The following SLC25A13 variants were observed in gnomAD, a reference collection of about 807,000 sequenced individuals.
The protein encoded by SLC25A13 is electrogenic aspartate/glutamate antiporter SLC25A13, mitochondrial.
A neutral mutation model predicts 85.5 loss-of-function variants in SLC25A13; 70 were observed. That is an observed-to-expected ratio of 0.82 (90% CI 0.68 to 1.00). SLC25A13 has a LOEUF of 1.00. Ranked by LOEUF, SLC25A13 falls within the 50% of genes least tolerant of loss-of-function variation. The pLI, the probability that SLC25A13 is intolerant of heterozygous loss-of-function variation, is 0.00. For missense variants in SLC25A13, 765 were observed against 819.8 expected, an observed-to-expected ratio of 0.93 and a Z score of 0.82; for synonymous variants, 259 against 288.7, an observed-to-expected ratio of 0.90 and a Z score of 1.04.
Position 96,277,288 on chromosome 7 carries a change from A to T in SLC25A13, c.120T>A (p.Phe40Leu). The T allele has an allele frequency of 6.2e-7, 1 of 1,613,072 alleles. No individual in the cohort carries two copies. The highest frequency in any genetic ancestry group is 8.5e-7 in the Non-Finnish European group (1 of 1,179,514). Reference sequence around the variant, plus strand: ...CAAAAATGTTCAAGTATCGAGTGACAAAGTCATTGGGGGACATGAAAAATT... The same window carrying T: ...CAAAAATGTTCAAGTATCGAGTGACTAAGTCATTGGGGGACATGAAAAATT... ...NGEFFMSPND[F>L]VTRYLNIFGE... The change falls in exon 3 of 18, where the codon TTT becomes TTA. Residue 40 changes from phenylalanine (F) to leucine (L), a missense_variant. By Grantham distance (22) the Phe-to-Leu change is conservative (BLOSUM62 0). Transcript: ENST00000265631.
At chr7:96,221,155 T>G (rs1264103647) in intron 4 of SLC25A13, among the ~76,000 whole-genome samples, 1 of 152,216 alleles carries the variant, frequency 6.6e-6, no homozygotes, top group Non-Finnish European at 1.5e-5. Context: ...CGTATTTAGC[T>G]TTTCGTAAAT....
At chr7:96,239,034 A>ATT (rs1400628776) in intron 3 of SLC25A13, among the ~76,000 whole-genome samples, 21 of 88,454 alleles carry the variant, frequency 2.4e-4, no homozygotes, top group African/African-American at 7.9e-4. Flanking sequence ...ATGACTATAT[A>ATT]TTTTATATAT....
At chr7:96,128,939 GCT>G (rs58984088) in intron 15 of SLC25A13, among the ~76,000 whole-genome samples, 12,085 of 81,620 alleles carry the variant, frequency 0.15, 715 homozygotes, top group East Asian at 0.25. Flanking sequence ...TGCCTTGCTT[GCT>G]CTCTCTCTCT....
intron 13 of SLC25A13, among the ~76,000 whole-genome samples, chr7:96,166,354 A>G (rs1178219579): frequency 6.6e-6 from 1 of 152,232 alleles, no homozygotes; most frequent in Non-Finnish European, 1.5e-5. Flanking sequence ...CTCTTGTTAT[A>G]TAAACAGTTT....
chr7:96,247,109 T>C (rs1289127910), intron 3 of SLC25A13, among the ~76,000 whole-genome samples: 1 of 152,204 alleles, frequency 6.6e-6, no homozygotes, highest in Non-Finnish European at 1.5e-5. Flanking sequence ...GATGCTGAAA[T>C]AATGTGTACT....
chr7:96,171,241 T>C (rs1481254151), intron 12 of SLC25A13, among the ~76,000 whole-genome samples: 1 of 152,254 alleles, frequency 6.6e-6, no homozygotes, highest in Non-Finnish European at 1.5e-5. Flanking sequence ...ACTGCTGTGA[T>C]GACAACAATG....
intron 5 of SLC25A13, among the ~76,000 whole-genome samples, chr7:96,207,068 C>T (rs921418667): frequency 1.3e-5 from 2 of 152,104 alleles, no homozygotes; most frequent in Non-Finnish European, 2.9e-5. Flanking sequence ...AGCAAAAATC[C>T]GGCAACTCAC....
chr7:96,311,226 C>G (rs1484112522), intron 1 of SLC25A13, among the ~76,000 whole-genome samples: 1 of 152,120 alleles, frequency 6.6e-6, no homozygotes, highest in Non-Finnish European at 1.5e-5. Flanking sequence ...CTTAAGATAA[C>G]AACATCTGAA....
chr7:96,274,120 C>T (rs1304700481), intron 3 of SLC25A13, among the ~76,000 whole-genome samples: 1 of 152,010 alleles, frequency 6.6e-6, no homozygotes, highest in African/African-American at 2.4e-5. Flanking sequence ...CTCCAGAATA[C>T]TGCAACAAGT....
chr7:96,151,373 G>A (rs951471310), intron 13 of SLC25A13, among the ~76,000 whole-genome samples: 1 of 152,092 alleles, frequency 6.6e-6, no homozygotes, highest in African/African-American at 2.4e-5. Context: ...CAAGGCAGGT[G>A]GATCACCTGA....
chr7:96,180,910 ATTTCAAATACCTGAGCACAT>A (rs1794395915), intron 11 of SLC25A13, among the ~76,000 whole-genome samples: 1 of 152,188 alleles, frequency 6.6e-6, no homozygotes, highest in Non-Finnish European at 1.5e-5. Flanking sequence ...TTCATTAAGG[ATTTCAAATACCTGAGCACAT>A]TAAATCACTC....
chr7:96,231,593 G>A (rs1461703903), intron 4 of SLC25A13, among the ~76,000 whole-genome samples: 5 of 151,970 alleles, frequency 3.3e-5, no homozygotes, highest in Non-Finnish European at 7.4e-5. Context: ...ACGTGGTGGT[G>A]CGCGCCTGTA....
At chr7:96,171,577 C>T (rs1794004710) in intron 11 of SLC25A13, 53 bp from the exon 12 acceptor site, 1 of 1,483,422 alleles carries the variant, frequency 6.7e-7, no homozygotes. Flanking sequence ...ATTAACTAAA[C>T]AAATCAACAG....
In SLC25A13 at chr7:96,191,198, C is replaced by A. The variant is rs751869317; in HGVS notation, c.665G>T (p.Gly222Val). The A allele has an allele frequency of 1.2e-6, 2 of 1,613,854 alleles. No individual in the cohort carries two copies. Among genetic ancestry groups the A allele is most frequent in the Non-Finnish European group, 8.5e-7 (1 of 1,179,974 alleles). The change falls in exon 7 of 18, where the codon GGA (glycine) becomes GTA (valine). Residue 222 changes from glycine to valine, a missense_variant. Physicochemically the swap from Gly to Val is moderately radical, Grantham distance 109. Coordinates refer to ENST00000265631, the MANE Select transcript of SLC25A13 (RefSeq NM_014251.3). ...CATGTTGTTAAGGAGCGAATTAAAT[C>A]CATTAAAATAGGAGAAACTAACTTG... ...SHQVSFSYFN[G>V]FNSLLNNMEL...
At chr7:96,168,098 GAAAAAA>G (rs543491037) in intron 13 of SLC25A13, among the ~76,000 whole-genome samples, 412 of 19,526 alleles carry the variant, frequency 0.021, 1 homozygote, top group African/African-American at 0.041. Flanking sequence ...AACTCTGTCT[GAAAAAA>G]AAAAAAAAAA....
chr7:96,156,287 G>A lies in SLC25A13; in HGVS notation c.1312-9591C>T, dbSNP rs190474373. Among the ~76,000 whole-genome samples the A allele has an allele frequency of 4.1e-4, 62 of 152,234 alleles. No homozygotes were observed. The East Asian group carries it at 0.01, about 26-fold the overall frequency. On this transcript the variant is annotated intron_variant, in intron 13 of 17. Coordinates refer to ENST00000265631, the MANE Select transcript of SLC25A13 (RefSeq NM_014251.3). ...AAAATCCCCAAATCTGAATCCTTGA[G>A]AAATATTTTATTTATTTATTTATTT... is the stretch of plus-strand genomic sequence containing the variant.
intron 11 of SLC25A13, among the ~76,000 whole-genome samples, chr7:96,174,849 G>A (rs1794153352): frequency 6.6e-6 from 1 of 152,130 alleles, no homozygotes; most frequent in South Asian, 2.1e-4. Flanking sequence ...AAAACAGAAG[G>A]GAAAACCCCG....
intron 15 of SLC25A13, among the ~76,000 whole-genome samples, chr7:96,124,260 CT>C (rs1197485335): frequency 6.6e-6 from 1 of 152,138 alleles, no homozygotes; most frequent in Non-Finnish European, 1.5e-5. Context: ...AAGGAAAGTG[CT>C]TTTCTTTTTA....
intron 3 of SLC25A13, among the ~76,000 whole-genome samples, chr7:96,258,668 C>G (rs1211263568): frequency 1.3e-5 from 2 of 152,132 alleles, no homozygotes; most frequent in Non-Finnish European, 2.9e-5. Context: ...CAATGCTATT[C>G]CCATCAAACT....
Sources: allele counts gnomAD v4.1 joint callset (sites outside exome capture counted in the v4.1 genomes callset), GRCh38; gene constraint gnomAD v4.1.1; transcripts MANE v1.5; gene names NCBI Gene and HGNC (gene_info 2026-07-23, HGNC 2026-07-21).